Variants in SDK1 observed in about 807,000 individuals in gnomAD.
The protein encoded by SDK1 is protein sidekick-1.
SDK1 carries 157 observed loss-of-function variants against 245.5 expected under a neutral mutation model. The observed-to-expected ratio is 0.64, with a 90% CI of 0.56 to 0.73. The LOEUF (loss-of-function observed/expected upper bound fraction) is 0.73. Among genes scored for constraint, SDK1 ranks in the 30% least tolerant of loss-of-function variants. The probability of loss-of-function intolerance (pLI) is 0.00; values close to 1 mark genes in which losing one functional copy is unlikely to be tolerated. For missense variants in SDK1, 3,583 were observed against 3,002.3 expected (o/e 1.19, Z -4.52); for synonymous variants, 1,647 against 1,278.5 (o/e 1.29, Z -6.15).
chr7:3,694,622 G>A (rs1023761717), intron 4 of SDK1, among the ~76,000 whole-genome samples: 1 of 152,030 alleles, frequency 6.6e-6, no homozygotes, highest in Non-Finnish European at 1.5e-5. Context: ...GTGATCCAGT[G>A]GATGTTCTAA....
At chr7:3,645,960 G>C (rs2128654053) in intron 4 of SDK1, among the ~76,000 whole-genome samples, 1 of 152,192 alleles carries the variant, frequency 6.6e-6, no homozygotes, top group East Asian at 1.9e-4. Flanking sequence ...CCGAGGTCAA[G>C]CGATGTTCCT....
intron 4 of SDK1, among the ~76,000 whole-genome samples, chr7:3,660,424 A>G (rs1451068206): frequency 6.6e-6 from 1 of 152,114 alleles, no homozygotes; most frequent in Non-Finnish European, 1.5e-5. Flanking sequence ...AAAGTAAGAG[A>G]TCAACAAAGC....
chr7:3,923,743 A>T (rs1160918488), intron 5 of SDK1, among the ~76,000 whole-genome samples: 1 of 152,230 alleles, frequency 6.6e-6, no homozygotes, highest in Non-Finnish European at 1.5e-5. Context: ...ACATCTGTGC[A>T]CTTTCACGAG....
chr7:3,870,129 A>T (rs1041503720), intron 5 of SDK1, among the ~76,000 whole-genome samples: 6 of 152,226 alleles, frequency 3.9e-5, no homozygotes, highest in Non-Finnish European at 5.9e-5. Context: ...CTTGGTCAGC[A>T]TTCAGGGAAG....
At chr7:3,483,040 CTT>C (rs2128602706) in intron 1 of SDK1, among the ~76,000 whole-genome samples, 1 of 151,450 alleles carries the variant, frequency 6.6e-6, no homozygotes, top group South Asian at 2.1e-4. Flanking sequence ...ATATTGTAAA[CTT>C]TTTAAAATGT....
intron 1 of SDK1, among the ~76,000 whole-genome samples, chr7:3,381,874 C>G (rs1781496718): frequency 6.6e-6 from 1 of 152,132 alleles, no homozygotes; most frequent in Admixed American, 6.5e-5. Flanking sequence ...CATTATCTTA[C>G]ATAGAAATTA....
rs189213134 is a variant in SDK1 at position 4,268,704 on chromosome 7, C to T, written c.*3320C>T. On this transcript the variant is annotated 3_prime_UTR_variant, in exon 45 of 45. Transcript: ENST00000404826. ...GTAGCTATCCTCCTGACGAGCAACCCGTCTGCGTACCTAAGTGTGGCTCCC... is the reference window on the plus strand; with the variant it reads ...GTAGCTATCCTCCTGACGAGCAACCTGTCTGCGTACCTAAGTGTGGCTCCC... 2.8e-5 allele frequency: 38 copies of T among 1,367,894 alleles called. No homozygotes were observed. The highest frequency in any genetic ancestry group is 8.8e-5 in the African/African-American group (6 of 67,864). The allele number at this position is 1,367,894 out of a possible 1,614,324, so 84.7% of individuals were successfully genotyped here.
intron 1 of SDK1, among the ~76,000 whole-genome samples, chr7:3,367,862 T>G (rs886734274): frequency 4.6e-5 from 7 of 152,226 alleles, no homozygotes; most frequent in Non-Finnish European, 8.8e-5. Context: ...ATAACAAAAT[T>G]GCAGTTTAAA....
Position 3,974,532 on chromosome 7 carries a change from C to A in SDK1, c.1981C>A (p.Arg661=). ...AGGAGGGAATGACTCCAGGATGGCC[C>A]GGCTGGAAGTGATGTGAGTACTGAG... ...SEGGNDSRMA[R]LEVIELPHSP... The change falls in exon 13 of 45, where the codon CGG becomes AGG. Residue 661 remains arginine, a synonymous_variant. Coordinates refer to ENST00000404826, the MANE Select transcript of SDK1 (RefSeq NM_152744.4). The A allele has an allele frequency of 9.3e-6, 15 of 1,614,020 alleles. No homozygotes were observed. The highest frequency in any genetic ancestry group is 1.1e-5 in the Non-Finnish European group (13 of 1,179,980).
intron 25 of SDK1, among the ~76,000 whole-genome samples, chr7:4,118,471 T>G (rs1783856365): frequency 6.6e-6 from 1 of 152,186 alleles, no homozygotes; most frequent in African/African-American, 2.4e-5. Context: ...TGCTTGTACG[T>G]TGCTGGTGGG....
chr7:3,805,723 C>G (rs985088350), intron 4 of SDK1, among the ~76,000 whole-genome samples: 1 of 152,138 alleles, frequency 6.6e-6, no homozygotes, highest in African/African-American at 2.4e-5. Flanking sequence ...TGAAACACAT[C>G]TAGTGCTAGT....
rs188419766 is a variant in SDK1 at position 3,650,416 on chromosome 7, A to G, written c.713+8311A>G. Among the ~76,000 whole-genome samples the G allele has an allele frequency of 1.2e-3, 190 of 152,208 alleles. 2 individuals carry two copies. The highest frequency in any genetic ancestry group is 3.8e-3 in the African/African-American group (159 of 41,522). ...TCTGCTTTCTGTCTCTATGAATTTG[A>G]CTACTCTAATTATCTTGTGTGAATG... On this transcript the variant is annotated intron_variant, in intron 4 of 44. Coordinates refer to ENST00000404826, the MANE Select transcript of SDK1 (RefSeq NM_152744.4).
At chr7:3,961,970 C>G (rs932812062) in intron 8 of SDK1, among the ~76,000 whole-genome samples, 1 of 151,604 alleles carries the variant, frequency 6.6e-6, no homozygotes, top group Non-Finnish European at 1.5e-5. Context: ...CACACATAAA[C>G]ACATGCACAT....
rs372801720 is a variant in SDK1 at position 3,513,815 on chromosome 7, G to T, written c.299-105265G>T. On this transcript the variant is annotated intron_variant, in intron 1 of 44. Transcript: ENST00000404826. ...CCACCCTTAGTAGTCCCCAGTGTCT[G>T]TTGTTCACATCTTTATATCCATGTG... Among the ~76,000 whole-genome samples, 321 of 152,106 alleles carry T rather than the reference G, an allele frequency of 2.1e-3. 4 individuals are homozygous for T. Among genetic ancestry groups the T allele is most frequent in the African/African-American group, 7.4e-3 (308 of 41,476 alleles).
At chr7:3,785,313 C>T (rs534040286) in intron 4 of SDK1, among the ~76,000 whole-genome samples, 1 of 152,020 alleles carries the variant, frequency 6.6e-6, no homozygotes, top group Non-Finnish European at 1.5e-5. Context: ...GAGAATTGTA[C>T]ACTTCAAAGT....
chr7:3,857,996 A>G (rs935936450), intron 5 of SDK1, among the ~76,000 whole-genome samples: 1 of 152,212 alleles, frequency 6.6e-6, no homozygotes, highest in Admixed American at 6.5e-5. Flanking sequence ...TCAATTATGT[A>G]AAGTTGTCAC....
intron 5 of SDK1, among the ~76,000 whole-genome samples, chr7:3,949,227 G>A (rs1440819995): frequency 6.6e-6 from 1 of 152,230 alleles, no homozygotes; most frequent in African/African-American, 2.4e-5. Flanking sequence ...AGGGCTGGGT[G>A]AGAGTCACCC....
At chr7:4,129,128 TC>T (rs1490707895) in intron 26 of SDK1, among the ~76,000 whole-genome samples, 1 of 129,448 alleles carries the variant, frequency 7.7e-6, no homozygotes. Flanking sequence ...TGGGGTGGGG[TC>T]CCCTGGAGGA....
At chr7:3,503,633 TGCCAC>T (rs1406064008) in intron 1 of SDK1, among the ~76,000 whole-genome samples, 3 of 152,040 alleles carry the variant, frequency 2.0e-5, no homozygotes, top group African/African-American at 7.2e-5. Context: ...GCTATGACCA[TGCCAC>T]TGCACTCCAG....
Sources: gnomAD v4.1 joint callset for allele counts (sites outside exome capture counted in the v4.1 genomes callset) on GRCh38, gnomAD v4.1.1 for gene constraint, MANE v1.5 for transcripts, NCBI Gene and HGNC (gene_info 2026-07-23, HGNC 2026-07-21) for gene names.